CLMN: variants seen among roughly 807,000 people sequenced by gnomAD.
The protein encoded by CLMN is calmin, also known as calmin (calponin-like, transmembrane).
A neutral mutation model predicts 92.7 loss-of-function variants in CLMN; 57 were observed. The ratio of observed to expected loss-of-function variants is 0.61; its 90% confidence interval spans 0.50 to 0.77. CLMN has a LOEUF of 0.77. Among genes scored for constraint, CLMN ranks in the 30% least tolerant of loss-of-function variants. The pLI, the probability that CLMN is intolerant of heterozygous loss-of-function variation, is 0.00. For synonymous variants in CLMN, 466 were observed against 470.6 expected (o/e 0.99, Z 0.13); for missense variants, 1,158 against 1,237.5 (o/e 0.94, Z 0.96).
intron 1 of CLMN, among the ~76,000 whole-genome samples, chr14:95,246,410 G>A (rs555340177): frequency 3.3e-5 from 5 of 152,302 alleles, no homozygotes; most frequent in East Asian, 1.9e-4. Context: ...TTAATGGGCC[G>A]TGGGGCTTCC....
chr14:95,209,763 G>A (rs749711828), intron 7 of CLMN, among the ~76,000 whole-genome samples: 1 of 152,144 alleles, frequency 6.6e-6, no homozygotes, highest in Non-Finnish European at 1.5e-5. Context: ...CAGCCAGCTC[G>A]CTGCTGGCTC....
At position 95,182,957 on chromosome 14, in the gene CLMN, C is replaced by T. The variant is rs568971584; in HGVS notation, c.*8607G>A. 1 of 152,366 alleles carries T rather than the reference C, an allele frequency of 6.6e-6. No homozygotes were observed. Among genetic ancestry groups the T allele is most frequent in the South Asian group, 2.1e-4 (1 of 4,828 alleles). 9.4% of individuals were successfully genotyped at this position (152,366 alleles called of 1,614,324 possible). ...CCAAACTCTTCCCAAAGGCACCTTTCTCAGATACTAAAGCCAAGAAGCACT... is the reference window on the plus strand; with the variant it reads ...CCAAACTCTTCCCAAAGGCACCTTTTTCAGATACTAAAGCCAAGAAGCACT... On this transcript the variant is annotated 3_prime_UTR_variant, in exon 13 of 13. Transcript: ENST00000298912.
At chr14:95,278,806 C>G (rs1027444029) in intron 1 of CLMN, among the ~76,000 whole-genome samples, 6 of 152,146 alleles carry the variant, frequency 3.9e-5, no homozygotes, top group Non-Finnish European at 7.3e-5. Flanking sequence ...CCCACCCCCA[C>G]TAACAAACAG....
At chr14:95,208,728 A>G (rs1374853073) in intron 8 of CLMN, among the ~76,000 whole-genome samples, 1 of 152,218 alleles carries the variant, frequency 6.6e-6, no homozygotes, top group Non-Finnish European at 1.5e-5. Flanking sequence ...TCAGTCACCC[A>G]TGGTCAACTG....
In CLMN at chr14:95,237,963, G is replaced by A. The variant is rs538334009; in HGVS notation, c.83-7830C>T. Among the ~76,000 whole-genome samples, 9 of 152,244 alleles carry A rather than the reference G, an allele frequency of 5.9e-5. No homozygotes were observed. In the South Asian group the frequency reaches 8.3e-4, roughly 14 times the overall value. ...GCAATCTCACTCCATCAGCTTGAGC[G>A]AGCCCCTGTGGATCTTTAAACCAGA... is the stretch of plus-strand genomic sequence containing the variant. On this transcript the variant is annotated intron_variant, in intron 1 of 12. Transcript: ENST00000298912.
intron 1 of CLMN, among the ~76,000 whole-genome samples, chr14:95,232,934 CT>C (rs1415684084): frequency 6.6e-6 from 1 of 152,188 alleles, no homozygotes; most frequent in Non-Finnish European, 1.5e-5. Flanking sequence ...CATCCTGGTT[CT>C]TTGTGCACAA....
intron 1 of CLMN, among the ~76,000 whole-genome samples, chr14:95,314,547 C>A (rs1018622085): frequency 6.6e-6 from 1 of 152,140 alleles, no homozygotes; most frequent in Non-Finnish European, 1.5e-5. Context: ...TCTCATTTTG[C>A]AAATGAGGAA....
intron 1 of CLMN, among the ~76,000 whole-genome samples, chr14:95,292,231 T>C (rs1900596886): frequency 3.3e-5 from 5 of 152,204 alleles, no homozygotes; most frequent in Admixed American, 3.3e-4. Context: ...CATCAAAAGG[T>C]AAATGGTAGT....
chr14:95,250,274 T>A (rs959991788), intron 1 of CLMN, among the ~76,000 whole-genome samples: 7 of 152,266 alleles, frequency 4.6e-5, no homozygotes, highest in South Asian at 2.1e-4. Context: ...ATCCTTGTGT[T>A]ATTACAAACC....
intron 9 of CLMN, among the ~76,000 whole-genome samples, chr14:95,197,398 AAAG>A (rs1176849898): frequency 2.6e-5 from 4 of 151,544 alleles, no homozygotes; most frequent in African/African-American, 7.3e-5. Flanking sequence ...GAGAAAGAAA[AAAG>A]AAAAAAAGAA....
intron 8 of CLMN, 36 bp downstream of exon 8, chr14:95,209,359 T>A (rs757881810): frequency 6.3e-7 from 1 of 1,588,772 alleles, no homozygotes; most frequent in Non-Finnish European, 8.6e-7. Context: ...TGGAAATGTA[T>A]GGTGTCGGAA....
At chr14:95,222,627 C>A in intron 3 of CLMN, 1 of 455,872 alleles carries the variant, frequency 2.2e-6, no homozygotes, top group Non-Finnish European at 4.4e-6. Context: ...AGCCTCTGTG[C>A]TGGGAGCATA....
chr14:95,260,350 G>A (rs902328093), intron 1 of CLMN, among the ~76,000 whole-genome samples: 2 of 152,040 alleles, frequency 1.3e-5, no homozygotes, highest in Non-Finnish European at 2.9e-5. Context: ...GCTGAGGCAG[G>A]AGAATGGTGT....
In CLMN at chr14:95,259,739, T is replaced by C. The variant is rs1054699380; in HGVS notation, c.83-29606A>G. ...TTCACTGAGCACAAAAGTAATGACA[T>C]GCAAACTCAAAACCATGGCATGCAT... On this transcript the variant is annotated intron_variant, in intron 1 of 12. Transcript: ENST00000298912. This position sits in a 1 kb window ranked among gnomAD's most constrained non-coding sequence, Gnocchi z 4.3. Among the ~76,000 whole-genome samples the C allele has an allele frequency of 5.9e-5, 9 of 152,140 alleles. No homozygotes were observed. The highest frequency in any genetic ancestry group is 5.9e-4 in the Admixed American group (9 of 15,274).
At chr14:95,262,113 C>T (rs1595071636) in intron 1 of CLMN, among the ~76,000 whole-genome samples, 1 of 152,206 alleles carries the variant, frequency 6.6e-6, no homozygotes, top group African/African-American at 2.4e-5. Flanking sequence ...GAACTCTCCA[C>T]GTGTCTCCCC....
At chr14:95,312,574 G>A (rs1482110155) in intron 1 of CLMN, among the ~76,000 whole-genome samples, 1 of 152,120 alleles carries the variant, frequency 6.6e-6, no homozygotes, top group East Asian at 1.9e-4. Context: ...TGCTGACAAG[G>A]ACCCATTTCC....
chr14:95,296,557 G>A (rs1900817403), intron 1 of CLMN, among the ~76,000 whole-genome samples: 1 of 152,224 alleles, frequency 6.6e-6, no homozygotes, highest in South Asian at 2.1e-4. Flanking sequence ...TGACCAATAA[G>A]ATGTCAGCAG....
chr14:95,272,916 A>T (rs890337282), intron 1 of CLMN, among the ~76,000 whole-genome samples: 1 of 152,262 alleles, frequency 6.6e-6, no homozygotes, highest in Non-Finnish European at 1.5e-5. Context: ...AAATGTAATA[A>T]AAGGGAATGC....
At chr14:95,275,728 C>T (rs1318923511) in intron 1 of CLMN, among the ~76,000 whole-genome samples, 2 of 152,190 alleles carry the variant, frequency 1.3e-5, no homozygotes, top group South Asian at 2.1e-4. Flanking sequence ...AATGGCGTGA[C>T]GTCGGCTCAC....
Sources: allele counts gnomAD v4.1 joint callset (sites outside exome capture counted in the v4.1 genomes callset), GRCh38; gene constraint gnomAD v4.1.1; non-coding constraint Gnocchi (gnomAD v3.1); transcripts MANE v1.5; gene names NCBI Gene and HGNC (gene_info 2026-07-23, HGNC 2026-07-21).